DCTN1: variants seen among roughly 807,000 people sequenced by gnomAD.
DCTN1 encodes the protein 150 kDa dynein-associated polypeptide.
DCTN1 carries 61 observed loss-of-function variants against 161.2 expected under a neutral mutation model. The ratio of observed to expected loss-of-function variants is 0.38; its 90% CI spans 0.31 to 0.47. The LOEUF (loss-of-function observed/expected upper bound fraction) is 0.47. Among genes scored for constraint, DCTN1 ranks in the 20% least tolerant of loss-of-function variants. The pLI, the probability that DCTN1 is intolerant of heterozygous loss-of-function variation, is 0.99. For missense variants in DCTN1, 1,404 were observed against 1,623.7 expected (o/e 0.86, Z 2.33); for synonymous variants, 653 against 632.4 (o/e 1.03, Z -0.49).
Position 74,368,050 on chromosome 2 carries a change from C to T in DCTN1, c.1936G>A (p.Ala646Thr). Residue 646 changes from alanine (A) to threonine (T), a missense_variant, in exon 17 of 32, where the codon GCT becomes ACT. This residue lies in a region of DCTN1 where 475 missense variants were observed against 489.8 expected (regional missense o/e 0.97). Transcript: ENST00000628224. ...GCAGCAAAGCTGAGTTGCTCCCCAGCAGCTCCTCGCAGCCCAGGCCGCTCT... is the reference window on the plus strand; with the variant it reads ...GCAGCAAAGCTGAGTTGCTCCCCAGTAGCTCCTCGCAGCCCAGGCCGCTCT... ...CSERPGLRGA[A>T]GEQLSFAAGL... 2 of 1,613,748 alleles carry T rather than the reference C, an allele frequency of 1.2e-6. No homozygotes were observed. Among genetic ancestry groups the T allele is most frequent in the South Asian group, 1.1e-5 (1 of 91,000 alleles).
In DCTN1 at chr2:74,365,548, T is replaced by A; in HGVS notation, c.2996A>T (p.Glu999Val). The A allele has an allele frequency of 1.2e-6, 2 of 1,614,058 alleles. No homozygotes were observed. The highest frequency in any genetic ancestry group is 1.7e-6 in the Non-Finnish European group (2 of 1,180,006). ...ERIEKVQTRL[E>V]ETQALLRKKE... Reference sequence around the variant, plus strand: ...CTTTCGCAGCAGTGCCTGGGTCTCCTCCAGCCGAGTCTGGACTTTCTCGAT... The same window carrying A: ...CTTTCGCAGCAGTGCCTGGGTCTCCACCAGCCGAGTCTGGACTTTCTCGAT... Residue 999 changes from glutamate (E) to valine (V), a missense_variant, in exon 25 of 32, where the codon GAG (glutamate) becomes GTG (valine). By Grantham distance (121) the Glu-to-Val change is moderately radical. Transcript: ENST00000628224.
chr2:74,367,017 G>A (rs769946669), intron 20 of DCTN1, 28 bp downstream of exon 20: 4 of 1,614,176 alleles, frequency 2.5e-6, no homozygotes, highest in East Asian at 2.2e-5. Flanking sequence ...AAGAAGAGGA[G>A]CTCACACAGA....
In DCTN1 at chr2:74,370,599, C is replaced by G. The variant is rs1674765653; in HGVS notation, c.1048+22G>C. On this transcript the variant is annotated intron_variant, in intron 10 of 31. Transcript: ENST00000628224. The surrounding 1 kb of genome is among the most constrained non-coding windows in gnomAD (Gnocchi z 4.4). ...TGGTTCTCACCTGACCGTTTGGCCC[C>G]CAGCAGCTGTGGGCCCCTTACCCTT... 3 of 1,613,918 alleles carry G rather than the reference C, an allele frequency of 1.9e-6. No individual in the cohort carries two copies. Among genetic ancestry groups the G allele is most frequent in the African/African-American group, 2.7e-5 (2 of 74,922 alleles).
Position 74,367,059 on chromosome 2 carries a change from G to A in DCTN1, c.2302C>T (p.Arg768Cys), listed in dbSNP as rs1406215076. The change falls in exon 20 of 32, where the codon CGT becomes TGT. Residue 768 changes from arginine to cysteine, a missense_variant. Physicochemically the swap from Arg to Cys is radical, Grantham distance 180. Around this residue, in one of 9 missense-constraint regions of DCTN1, gnomAD observed 475 missense variants for 489.8 expected, o/e 0.97. Coordinates refer to ENST00000628224, the MANE Select transcript of DCTN1 (RefSeq NM_004082.5). ...DCMSVEVGRL[R>C]AFLQGGQEAT... ...TGTGTTCTCACCTGCAAGAAGGCACGCAGCCGTCCTACCTCCACACTCATG... is the reference window on the plus strand; with the variant it reads ...TGTGTTCTCACCTGCAAGAAGGCACACAGCCGTCCTACCTCCACACTCATG... 2 of 1,614,200 alleles carry A rather than the reference G, an allele frequency of 1.2e-6. No homozygotes were observed. The highest frequency in any genetic ancestry group is 1.7e-6 in the Non-Finnish European group (2 of 1,180,032).
At chr2:74,373,104 T>C (rs1674989552) in intron 6 of DCTN1, 156 bp from the exon 7 acceptor site, 3 of 710,828 alleles carry the variant, frequency 4.2e-6, no homozygotes, top group Non-Finnish European at 7.5e-6. Context: ...CCCTTCTCCC[T>C]TCAGTGAATC....
rs1675287540 is a variant in DCTN1, at chr2:74,377,414, C to T, written c.393+18G>A. On this transcript the variant is annotated intron_variant, in intron 4 of 31. Transcript: ENST00000628224. ...CCCTCCCTTTATTATTCCCCATTCCCACCCCCAAATCACTCACCAGTTTGC... is the reference window on the plus strand; with the variant it reads ...CCCTCCCTTTATTATTCCCCATTCCTACCCCCAAATCACTCACCAGTTTGC... 4 of 1,609,948 alleles carry T rather than the reference C, an allele frequency of 2.5e-6. No homozygotes were observed. The highest frequency in any genetic ancestry group is 3.4e-6 in the Non-Finnish European group (4 of 1,176,292).
At chr2:74,376,407 G>A (rs368000043) in intron 5 of DCTN1, among the ~76,000 whole-genome samples, 24 of 152,264 alleles carry the variant, frequency 1.6e-4, no homozygotes, top group African/African-American at 5.1e-4. Context: ...GTCCAAGCTC[G>A]GGCTAAGTGA....
intron 26 of DCTN1, 39 bp from the exon 27 acceptor site, chr2:74,363,667 G>A: frequency 6.2e-7 from 1 of 1,612,654 alleles, no homozygotes; most frequent in Non-Finnish European, 8.5e-7. Flanking sequence ...AGGAAAAGAG[G>A]AGAGAGGAGT....
chr2:74,386,407 T>A (rs182904162), intron 1 of DCTN1, among the ~76,000 whole-genome samples: 3 of 152,336 alleles, frequency 2.0e-5, no homozygotes, highest in East Asian at 1.9e-4. Flanking sequence ...AAAAATCACA[T>A]GAGAATGCCT....
chr2:74,366,094 T>A (rs1373161641), intron 23 of DCTN1, 76 bp from the exon 24 acceptor site: 2 of 1,612,714 alleles, frequency 1.2e-6, no homozygotes, highest in African/African-American at 2.7e-5. Context: ...TACAGAGAGA[T>A]CCAGTTACAG....
intron 26 of DCTN1, chr2:74,363,842 CACA>C: frequency 1.5e-6 from 1 of 663,076 alleles, no homozygotes; most frequent in Non-Finnish European, 2.8e-6. Flanking sequence ...GGAGTGAGGC[CACA>C]AGACAGGGTA....
Position 74,371,529 on chromosome 2 carries a change from G to A in DCTN1, c.645+8C>T, listed in dbSNP as rs1170361781. Reference sequence around the variant, plus strand: ...TTGATTCTCCTTTACCCCTACCCCAGGCCTTACCTTGGATGGGGAAGGAAG... The same window carrying A: ...TTGATTCTCCTTTACCCCTACCCCAAGCCTTACCTTGGATGGGGAAGGAAG... On this transcript the variant is annotated splice_region_variant and intron_variant, in intron 8 of 31. Transcript: ENST00000628224. 3.8e-6 allele frequency: 6 copies of A among 1,563,606 alleles called. No individual in the cohort carries two copies. Among genetic ancestry groups the A allele is most frequent in the Non-Finnish European group, 5.2e-6 (6 of 1,154,210 alleles).
chr2:74,384,538 T>G (rs923481997), upstream of DCTN1, among the ~76,000 whole-genome samples: 11 of 152,202 alleles, frequency 7.2e-5, no homozygotes, highest in Non-Finnish European at 1.5e-4. Context: ...AATCTCTGTG[T>G]CTGATAAATA....
chr2:74,361,186 T>C lies in DCTN1; in HGVS notation c.*313A>G. The C allele has an allele frequency of 2.1e-6, 1 of 486,338 alleles. No individual in the cohort carries two copies. The highest frequency in any genetic ancestry group is 1.7e-5 in the South Asian group (1 of 57,972). The allele number at this position is 486,338 out of a possible 1,614,324, so 30.1% of individuals were successfully genotyped here. ...AGCAGAAGTTGCTTTAATCAAGGGG[T>C]GAAGTCCTCAATCAAGGGGACCTCA... On this transcript the variant is annotated 3_prime_UTR_variant, in exon 32 of 32. Coordinates refer to ENST00000628224, the MANE Select transcript of DCTN1 (RefSeq NM_004082.5).
At chr2:74,375,952 T>C (rs1223534113) in intron 5 of DCTN1, among the ~76,000 whole-genome samples, 1 of 152,124 alleles carries the variant, frequency 6.6e-6, no homozygotes, top group East Asian at 1.9e-4. Context: ...CACAGAATTG[T>C]ACATACAGCA....
rs1449996661 is a variant in DCTN1 at position 74,369,517 on chromosome 2, C to T, written c.1393-26G>A. On this transcript the variant is annotated intron_variant, in intron 13 of 31. Coordinates refer to ENST00000628224, the MANE Select transcript of DCTN1 (RefSeq NM_004082.5). This position sits in a 1 kb window ranked among gnomAD's most constrained non-coding sequence, Gnocchi z 4.9. The stretch of plus-strand genomic sequence containing the variant: ...CTAGGACACCACACCATAGTTTGGG[C>T]TAAAGAAAGGCAGGGTCGGCCAGCG... 4 of 1,608,762 alleles carry T rather than the reference C, an allele frequency of 2.5e-6. No homozygotes were observed. The highest frequency in any genetic ancestry group is 1.7e-5 in the Admixed American group (1 of 59,990).
rs559598408 is a variant in DCTN1 at position 74,369,181 on chromosome 2, C to T, written c.1618G>A (p.Ala540Thr). ...GGCTGCTGTTGCCTCTCCACAGATGCTTCCTGCTGGTTTGTCAGTTCCCGA... is the reference window on the plus strand; with the variant it reads ...GGCTGCTGTTGCCTCTCCACAGATGTTTCCTGCTGGTTTGTCAGTTCCCGA... ...VNRELTNQQE[A>T]SVERQQQPPP... The change falls in exon 15 of 32, where the codon GCA becomes ACA. Residue 540 changes from alanine (A) to threonine (T), a missense_variant. By Grantham distance (58) the Ala-to-Thr change is moderately conservative. Around this residue, in one of 9 missense-constraint regions of DCTN1, gnomAD observed 278 missense variants for 363.8 expected, o/e 0.76. Transcript: ENST00000628224. The surrounding 1 kb of genome is among the most constrained non-coding windows in gnomAD (Gnocchi z 4.9). 3.7e-6 allele frequency: 6 copies of T among 1,614,262 alleles called. No homozygotes were observed. In the South Asian group the frequency reaches 6.6e-5, roughly 18 times the overall value.
chr2:74,374,295 G>T (rs368562212), intron 6 of DCTN1, 28 bp downstream of exon 6: 1 of 1,412,852 alleles, frequency 7.1e-7, no homozygotes, highest in African/African-American at 1.5e-5. Flanking sequence ...TGGCAACCCA[G>T]CAGCAGGACG....
In DCTN1 at chr2:74,365,195, G is replaced by A. The variant is rs1674316534; in HGVS notation, c.3076C>T (p.Leu1026=). Residue 1026 remains leucine (L), a synonymous_variant, in exon 26 of 32, where the codon CTG becomes TTG. Transcript: ENST00000628224. ...MDALQADIDQ[L]EAEKAELKQR... is the part of the protein sequence containing the mutation. ...TTTAGTTCTGCCTTCTCTGCCTCCA[G>A]CTGGTCGATGTCAGCCTGGAGTGCA... 1 of 1,614,200 alleles carries A rather than the reference G, an allele frequency of 6.2e-7. No homozygotes were observed. The highest frequency in any genetic ancestry group is 8.5e-7 in the Non-Finnish European group (1 of 1,180,042).
Sources: gnomAD v4.1 joint callset for allele counts (sites outside exome capture counted in the v4.1 genomes callset) on GRCh38, gnomAD v4.1.1 for gene constraint, gnomAD v4.1.1 regional missense constraint, Gnocchi (gnomAD v3.1) non-coding constraint, MANE v1.5 for transcripts, NCBI Gene and HGNC (gene_info 2026-07-23, HGNC 2026-07-21) for gene names.